PTPRR: variants seen among roughly 807,000 people sequenced by gnomAD.
PTPRR encodes receptor-type tyrosine-protein phosphatase R.
A neutral mutation model predicts 77.2 loss-of-function variants in PTPRR; 38 were observed. That is an observed-to-expected ratio of 0.49 (90% CI 0.38 to 0.65). The LOEUF (loss-of-function observed/expected upper bound fraction) is 0.65, where lower values mean the gene tolerates loss of function less well. Ranked by LOEUF, PTPRR falls within the 30% of genes least tolerant of loss-of-function variation. The pLI is 0.00. For synonymous variants in PTPRR, 299 were observed against 283.1 expected, an observed-to-expected ratio of 1.06 and a Z score of -0.57; for missense variants, 744 against 799.2, an observed-to-expected ratio of 0.93 and a Z score of 0.83.
intron 2 of PTPRR, among the ~76,000 whole-genome samples, chr12:70,811,146 A>T (rs1331756760): frequency 1.3e-5 from 2 of 152,214 alleles, no homozygotes; most frequent in Non-Finnish European, 2.9e-5. Context: ...AGATGTTTGC[A>T]TTTGATGGAC....
intron 2 of PTPRR, among the ~76,000 whole-genome samples, chr12:70,875,557 A>G (rs1319359975): frequency 1.3e-5 from 2 of 152,070 alleles, no homozygotes; most frequent in African/African-American, 4.8e-5. Flanking sequence ...ATACATGCAG[A>G]AGTTTATCTA....
intron 3 of PTPRR, among the ~76,000 whole-genome samples, chr12:70,762,701 G>A (rs1010399271): frequency 6.6e-6 from 1 of 152,166 alleles, no homozygotes; most frequent in South Asian, 2.1e-4. Context: ...CTAAGCGATA[G>A]GTATTATGGT....
chr12:70,728,718 G>A (rs2136874335), intron 6 of PTPRR, among the ~76,000 whole-genome samples: 1 of 151,762 alleles, frequency 6.6e-6, no homozygotes, highest in South Asian at 2.1e-4. Context: ...TGTACTGACA[G>A]ATGGCTTCCT....
At chr12:70,891,977 G>C (rs1057253739) in intron 2 of PTPRR, among the ~76,000 whole-genome samples, 7 of 151,976 alleles carry the variant, frequency 4.6e-5, no homozygotes, top group Admixed American at 1.3e-4. Flanking sequence ...TTAAACCAGA[G>C]AGTGACTGTA....
rs572098264 is a variant in PTPRR, at chr12:70,728,989, A to G, written c.1007+16829T>C. On this transcript the variant is annotated intron_variant, in intron 6 of 13. Coordinates refer to ENST00000283228, the MANE Select transcript of PTPRR (RefSeq NM_002849.4). ...AATCCATGAGTTGTTTCAGTTCTAG[A>G]ACTCTGCTTCCAATAAGGGTTATGG... 2.6e-5 allele frequency among the ~76,000 whole-genome samples: 4 copies of G among 152,274 alleles called. No homozygotes were observed. The South Asian group carries it at 8.3e-4, about 32-fold the overall frequency.
intron 7 of PTPRR, among the ~76,000 whole-genome samples, chr12:70,699,054 G>C (rs1464534340): frequency 6.6e-6 from 1 of 152,110 alleles, no homozygotes; most frequent in Admixed American, 6.6e-5. Flanking sequence ...AAGTGCATTA[G>C]ATCTAAAAAG....
At chr12:70,681,692 C>T (rs541233832) in intron 10 of PTPRR, among the ~76,000 whole-genome samples, 2 of 152,266 alleles carry the variant, frequency 1.3e-5, no homozygotes, top group Admixed American at 1.3e-4. Context: ...GTTGTTTTGG[C>T]TCTTTTTTTT....
chr12:70,812,814 C>G (rs11178437), intron 2 of PTPRR, among the ~76,000 whole-genome samples: 22,154 of 152,078 alleles, frequency 0.15, 2,026 homozygotes, highest in African/African-American at 0.25. Flanking sequence ...GATAGGTTTC[C>G]ATTTTCATAA....
intron 2 of PTPRR, among the ~76,000 whole-genome samples, chr12:70,855,388 A>G (rs1352607581): frequency 1.3e-5 from 2 of 152,196 alleles, no homozygotes; most frequent in East Asian, 1.9e-4. Context: ...GGCAGCAGGG[A>G]AGCCTGTTAA....
intron 6 of PTPRR, among the ~76,000 whole-genome samples, chr12:70,708,105 A>G (rs1450284259): frequency 6.6e-6 from 1 of 152,016 alleles, no homozygotes; most frequent in Non-Finnish European, 1.5e-5. Context: ...GAGACTTCCT[A>G]GCAATTTTCC....
At chr12:70,741,245 C>G (rs1013406206) in intron 6 of PTPRR, among the ~76,000 whole-genome samples, 4 of 151,718 alleles carry the variant, frequency 2.6e-5, no homozygotes, top group African/African-American at 9.7e-5. Flanking sequence ...TATATGTGTC[C>G]TCAAGAAGCT....
intron 6 of PTPRR, among the ~76,000 whole-genome samples, chr12:70,736,900 G>A (rs1404848661): frequency 2.0e-5 from 3 of 152,202 alleles, no homozygotes; most frequent in African/African-American, 7.2e-5. Flanking sequence ...AACCTGGAGT[G>A]TAAACTTAGC....
At chr12:70,864,800 C>T (rs552775337) in intron 2 of PTPRR, among the ~76,000 whole-genome samples, 1 of 152,132 alleles carries the variant, frequency 6.6e-6, no homozygotes, top group East Asian at 1.9e-4. Context: ...CTCACAAGAT[C>T]CGATGATTTT....
In PTPRR at chr12:70,869,358, T is replaced by C. The variant is rs182566319; in HGVS notation, c.357+23321A>G. Among the ~76,000 whole-genome samples, 1,193 of 152,216 alleles carry C rather than the reference T, an allele frequency of 7.8e-3. 8 individuals are homozygous for C. The highest frequency in any genetic ancestry group is 0.01 in the Non-Finnish European group (686 of 67,990). On this transcript the variant is annotated intron_variant, in intron 2 of 13. Transcript: ENST00000283228. Reference sequence around the variant, plus strand: ...GCAGATTGACCTGGCAATCACAGTCTTGCTTTGAGGAGACTCACACGAGGG... The same window carrying C: ...GCAGATTGACCTGGCAATCACAGTCCTGCTTTGAGGAGACTCACACGAGGG...
intron 2 of PTPRR, among the ~76,000 whole-genome samples, chr12:70,889,720 C>A (rs1328761461): frequency 6.6e-6 from 1 of 152,068 alleles, no homozygotes; most frequent in Non-Finnish European, 1.5e-5. Context: ...ATCCTCTCCT[C>A]CCTTCTCCCC....
intron 13 of PTPRR, among the ~76,000 whole-genome samples, chr12:70,645,092 C>A (rs1031066136): frequency 6.6e-6 from 1 of 152,124 alleles, no homozygotes. Context: ...CAGGGTTCTA[C>A]AAAGGTGGCT....
chr12:70,766,192 G>A (rs1456941808), intron 2 of PTPRR, among the ~76,000 whole-genome samples: 1 of 152,152 alleles, frequency 6.6e-6, no homozygotes, highest in Non-Finnish European at 1.5e-5. Flanking sequence ...GAGAGAAGAA[G>A]GCTTCAGACA....
chr12:70,907,059 G>C (rs774834815), intron 1 of PTPRR: 4 of 152,130 alleles, frequency 2.6e-5, no homozygotes, highest in Non-Finnish European at 5.9e-5. Flanking sequence ...TTCCAGGACT[G>C]GTTTTTCTAA....
chr12:70,703,919 G>A (rs889196320), intron 6 of PTPRR, among the ~76,000 whole-genome samples: 11 of 152,088 alleles, frequency 7.2e-5, no homozygotes, highest in East Asian at 1.9e-4. Flanking sequence ...GAAAGCAAAC[G>A]TTTAATAGGT....
Sources: allele counts gnomAD v4.1 joint callset (sites outside exome capture counted in the v4.1 genomes callset), GRCh38; gene constraint gnomAD v4.1.1; transcripts MANE v1.5; gene names NCBI Gene and HGNC (gene_info 2026-07-23, HGNC 2026-07-21).